NFKB1: variants seen among roughly 807,000 people sequenced by gnomAD.
NFKB1 encodes the protein nuclear factor NF-kappa-B p105 subunit.
In NFKB1, 9 loss-of-function variants were observed where a neutral mutation model predicts 105.1. The observed-to-expected ratio is 0.09, with a 90% CI of 0.05 to 0.15. The LOEUF is 0.15. Among genes scored for constraint, NFKB1 ranks in the 10% least tolerant of loss-of-function variants. The pLI is 1.00. For synonymous variants in NFKB1, 440 were observed against 442.2 expected (o/e 1.00, Z 0.06); for missense variants, 830 against 1,203.7 (o/e 0.69, Z 4.59).
At position 102,520,493 on chromosome 4, in the gene NFKB1, T is replaced by G. The variant is rs571605150; in HGVS notation, c.-7-5019T>G. 1.1e-3 allele frequency among the ~76,000 whole-genome samples: 174 copies of G among 152,300 alleles called. No homozygotes were observed. The Middle Eastern group carries it at 0.027, about 24-fold the overall frequency. On this transcript the variant is annotated intron_variant, in intron 1 of 23. Coordinates refer to ENST00000226574, the MANE Select transcript of NFKB1 (RefSeq NM_003998.4). ...AAACAGGTACCTTATCTTTACCAGC[T>G]CCAAGCACAATGTATTTGGTATATC...
At chr4:102,605,237 G>GTTGA (rs1578824427) in intron 16 of NFKB1, among the ~76,000 whole-genome samples, 1 of 152,020 alleles carries the variant, frequency 6.6e-6, no homozygotes, top group East Asian at 1.9e-4. Context: ...TTCAGGCCAG[G>GTTGA]TTGATAGTCC....
intron 16 of NFKB1, among the ~76,000 whole-genome samples, chr4:102,603,322 C>T (rs182278507): frequency 2.0e-5 from 3 of 152,214 alleles, no homozygotes; most frequent in Non-Finnish European, 2.9e-5. Context: ...CTGCCAGCCT[C>T]GGCCTCCCAA....
At chr4:102,505,079 T>G (rs981234454) in intron 1 of NFKB1, among the ~76,000 whole-genome samples, 1 of 152,234 alleles carries the variant, frequency 6.6e-6, no homozygotes, top group Non-Finnish European at 1.5e-5. Flanking sequence ...TGGTCTCTGC[T>G]GTATTAGGGG....
At chr4:102,604,385 C>G (rs960058788) in intron 16 of NFKB1, among the ~76,000 whole-genome samples, 2 of 152,016 alleles carry the variant, frequency 1.3e-5, no homozygotes, top group Non-Finnish European at 2.9e-5. Flanking sequence ...GTCTCTTCAC[C>G]CAGTTTCCCC....
intron 16 of NFKB1, among the ~76,000 whole-genome samples, chr4:102,601,729 A>G (rs1180641553): frequency 6.6e-6 from 1 of 152,232 alleles, no homozygotes; most frequent in Non-Finnish European, 1.5e-5. Flanking sequence ...ACTTCGGCAG[A>G]AGCAGAGCTT....
At chr4:102,511,821 G>A (rs371055312) in intron 1 of NFKB1, among the ~76,000 whole-genome samples, 32 of 152,208 alleles carry the variant, frequency 2.1e-4, no homozygotes, top group African/African-American at 6.8e-4. Context: ...AACCTAGTGG[G>A]TGGTCAAGAA....
At chr4:102,537,813 A>G in intron 4 of NFKB1, 45 bp from the exon 5 acceptor site, 1 of 1,179,030 alleles carries the variant, frequency 8.5e-7, no homozygotes, top group Non-Finnish European at 1.3e-6. Flanking sequence ...GTAATTTTTA[A>G]TAAGTATTTC....
Position 102,537,850 on chromosome 4 carries a change from C to T in NFKB1, c.160-8C>T. On this transcript the variant is annotated splice_region_variant and splice_polypyrimidine_tract_variant and intron_variant, in intron 4 of 23. Transcript: ENST00000226574. Reference sequence around the variant, plus strand: ...CAAACTTAATTGGCTTAACGTTCACCTTTGCAGAGAGGATTTCGTTTCCGT... The same window carrying T: ...CAAACTTAATTGGCTTAACGTTCACTTTTGCAGAGAGGATTTCGTTTCCGT... 1 of 1,574,922 alleles carries T rather than the reference C, an allele frequency of 6.3e-7. No homozygotes were observed. Among genetic ancestry groups the T allele is most frequent in the South Asian group, 1.1e-5 (1 of 89,882 alleles).
chr4:102,514,775 T>C (rs1436752842), intron 1 of NFKB1, among the ~76,000 whole-genome samples: 3 of 152,202 alleles, frequency 2.0e-5, no homozygotes, highest in Non-Finnish European at 2.9e-5. Flanking sequence ...TGTTAATAGG[T>C]GCGTACACAA....
chr4:102,579,140 A>G (rs776835511), intron 8 of NFKB1, 101 bp downstream of exon 8: 400 of 1,192,054 alleles, frequency 3.4e-4, no homozygotes, highest in Admixed American at 1.2e-4. Context: ...TAACTTAATC[A>G]CTTTAAGCCT....
intron 1 of NFKB1, chr4:102,502,208 G>C (rs1164853394): frequency 6.6e-6 from 1 of 152,354 alleles, no homozygotes; most frequent in Non-Finnish European, 1.5e-5. Flanking sequence ...TTTCACCTAA[G>C]GGCGTTCCAT....
chr4:102,517,475 A>G (rs773078714), intron 1 of NFKB1, among the ~76,000 whole-genome samples: 3 of 152,148 alleles, frequency 2.0e-5, no homozygotes, highest in African/African-American at 7.2e-5. Context: ...AAAAACAAAA[A>G]CAAAAAAACC....
Position 102,525,513 on chromosome 4 carries a change from T to C in NFKB1, c.-6T>C. 6.2e-7 allele frequency: 1 copy of C among 1,613,344 alleles called. No individual in the cohort carries two copies. Among genetic ancestry groups the C allele is most frequent in the Non-Finnish European group, 8.5e-7 (1 of 1,179,574 alleles). ...GTTTTGTTTTGTTTTAATACACAGC[T>C]TCAGAATGGCAGAAGATGATCCATA... On this transcript the variant is annotated splice_region_variant and 5_prime_UTR_variant, in exon 2 of 24. Transcript: ENST00000226574.
chr4:102,530,031 T>C (rs985007108), intron 3 of NFKB1, 117 bp downstream of exon 3: 7 of 712,668 alleles, frequency 9.8e-6, no homozygotes, highest in African/African-American at 9.1e-5. Context: ...AAATGGTGAT[T>C]TGTTTTAAAA....
chr4:102,513,462 C>T lies in NFKB1; in HGVS notation c.-8+11674C>T, dbSNP rs186460436. Among the ~76,000 whole-genome samples the T allele has an allele frequency of 5.9e-3, 892 of 152,208 alleles. 6 individuals are homozygous for T. Among genetic ancestry groups the T allele is most frequent in the African/African-American group, 0.02 (811 of 41,516 alleles). On this transcript the variant is annotated intron_variant, in intron 1 of 23. Transcript: ENST00000226574. Reference sequence around the variant, plus strand: ...TAAAATGCCCAAAACATCTTTTGATCTTATGAATTTCAGTCAGCTATGATT... The same window carrying T: ...TAAAATGCCCAAAACATCTTTTGATTTTATGAATTTCAGTCAGCTATGATT...
intron 20 of NFKB1, among the ~76,000 whole-genome samples, chr4:102,611,485 C>T (rs2149229159): frequency 6.6e-6 from 1 of 152,360 alleles, no homozygotes; most frequent in African/African-American, 2.4e-5. Context: ...CTGCAGAGAA[C>T]ACCACAAATG....
At chr4:102,538,390 T>G (rs1002799285) in intron 5 of NFKB1, among the ~76,000 whole-genome samples, 2 of 152,220 alleles carry the variant, frequency 1.3e-5, no homozygotes, top group Non-Finnish European at 2.9e-5. Context: ...CTGTGTAGCT[T>G]TGAATAGGTT....
At chr4:102,517,708 A>T (rs1232434712) in intron 1 of NFKB1, among the ~76,000 whole-genome samples, 2 of 152,098 alleles carry the variant, frequency 1.3e-5, no homozygotes, top group Non-Finnish European at 2.9e-5. Context: ...CAGAAATTGG[A>T]TTTAACTAGA....
intron 1 of NFKB1, chr4:102,502,282 A>G (rs1302994498): frequency 6.6e-6 from 1 of 151,964 alleles, no homozygotes; most frequent in Non-Finnish European, 1.5e-5. Context: ...GCTCCCCAGA[A>G]TTGAATAGGA....
Sources: allele counts gnomAD v4.1 joint callset (sites outside exome capture counted in the v4.1 genomes callset), GRCh38; gene constraint gnomAD v4.1.1; transcripts MANE v1.5; gene names NCBI Gene and HGNC (gene_info 2026-07-23, HGNC 2026-07-21).